Variants in GLT8D2 observed in about 807,000 individuals in gnomAD.
GLT8D2 encodes the protein glycosyltransferase 8 domain-containing protein 2.
A neutral mutation model predicts 44.5 loss-of-function variants in GLT8D2; 45 were observed. That is an observed-to-expected ratio of 1.01 (90% CI 0.80 to 1.30). The LOEUF is 1.30. Ranked by LOEUF, GLT8D2 falls within the 50% of genes most tolerant of loss-of-function variation. GLT8D2 has a pLI of 0.00. For synonymous variants in GLT8D2, 156 were observed against 157.2 expected, an observed-to-expected ratio of 0.99 and a Z score of 0.06; for missense variants, 400 against 430.4, an observed-to-expected ratio of 0.93 and a Z score of 0.62.
At chr12:104,026,453 A>G (rs1160118064) in intron 1 of GLT8D2, among the ~76,000 whole-genome samples, 2 of 152,090 alleles carry the variant, frequency 1.3e-5, no homozygotes, top group African/African-American at 4.8e-5. Flanking sequence ...CAAGAAGGCT[A>G]AGACACCCTC....
chr12:104,029,685 T>A (rs1041320107), intron 1 of GLT8D2: 1 of 152,230 alleles, frequency 6.6e-6, no homozygotes, highest in Non-Finnish European at 1.5e-5. Flanking sequence ...TTACATGCAT[T>A]AAGTACTTAC....
At chr12:103,990,078 A>AAT (rs57178471) in intron 10 of GLT8D2, among the ~76,000 whole-genome samples, 32 of 122,220 alleles carry the variant, frequency 2.6e-4, no homozygotes, top group Non-Finnish European at 3.9e-4. Flanking sequence ...TATGTGTACA[A>AAT]ATATATATAT....
rs776482107 is a variant in GLT8D2, at chr12:104,022,072, AAG to A, written c.-163-583_-163-582del. On this transcript the variant is annotated intron_variant, in intron 1 of 10. Coordinates refer to ENST00000360814, the MANE Select transcript of GLT8D2 (RefSeq NM_001384711.1). ...GAAGAAGAAGGGAAAGAAAGAAAGA[AAG>A]AAAAAAAAAGAAAGAAAGAAAGAAG... is the stretch of plus-strand genomic sequence containing the variant. Among the ~76,000 whole-genome samples the A allele has an allele frequency of 3.1e-3, 432 of 140,228 alleles. 33 individuals carry two copies. Among genetic ancestry groups the A allele is most frequent in the Non-Finnish European group, 5.2e-3 (336 of 65,052 alleles). 92.0% of individuals were successfully genotyped at this position (140,228 alleles called of 152,430 possible). A position where few individuals can be genotyped will look rare whatever the true frequency, so the allele number is the denominator to read the frequency against.
intron 1 of GLT8D2, among the ~76,000 whole-genome samples, chr12:104,057,834 C>A (rs2052377980): frequency 1.3e-5 from 2 of 151,960 alleles, no homozygotes; most frequent in South Asian, 4.2e-4. Context: ...TTTTTTCCCC[C>A]CTTGCTAGGT....
chr12:104,038,981 A>T (rs1380469771), intron 1 of GLT8D2, among the ~76,000 whole-genome samples: 1 of 152,216 alleles, frequency 6.6e-6, no homozygotes, highest in Non-Finnish European at 1.5e-5. Context: ...AGGCCTCAGA[A>T]ATATCACCAC....
intron 6 of GLT8D2, among the ~76,000 whole-genome samples, chr12:103,998,709 C>T (rs1873813930): frequency 6.6e-6 from 1 of 152,018 alleles, no homozygotes; most frequent in South Asian, 2.1e-4. Context: ...CGCTTGGCCA[C>T]TAAATAAAAC....
At chr12:104,063,649 C>A (rs1022880961) in intron 1 of GLT8D2, among the ~76,000 whole-genome samples, 1 of 152,122 alleles carries the variant, frequency 6.6e-6, no homozygotes, top group African/African-American at 2.4e-5. Flanking sequence ...GATATAAGGG[C>A]TTGGGGGTTC....
At chr12:104,021,915 GAAGAAGAAGAAGAAGAAGAA>G (rs1877756987) in intron 1 of GLT8D2, among the ~76,000 whole-genome samples, 1 of 18,884 alleles carries the variant, frequency 5.3e-5, no homozygotes, top group Non-Finnish European at 1.0e-4. Flanking sequence ...AGAAGAAGAA[GAAGAAGAAGAAGAAGAAGAA>G]GAAGAAGAAG....
chr12:104,049,975 C>G lies in GLT8D2; in HGVS notation c.-244G>C, dbSNP rs944275200. ...CAGAGCGTTCAAATCGTGGCTGGCCCTGGGCTGCCGCCCTCACGCTGCTTC... is the reference window on the plus strand; with the variant it reads ...CAGAGCGTTCAAATCGTGGCTGGCCGTGGGCTGCCGCCCTCACGCTGCTTC... On this transcript the variant is annotated 5_prime_UTR_variant, in exon 1 of 11. Transcript: ENST00000360814. The G allele has an allele frequency of 6.6e-6, 1 of 152,580 alleles. No homozygotes were observed. The highest frequency in any genetic ancestry group is 1.5e-5 in the Non-Finnish European group (1 of 68,302). The allele number at this position is 152,580 out of a possible 1,614,324, so 9.5% of individuals were successfully genotyped here. A position where few individuals can be genotyped will look rare whatever the true frequency, so the allele number is the denominator to read the frequency against.
chr12:103,997,430 C>G lies in GLT8D2; in HGVS notation c.487+21G>C, dbSNP rs2629797. Reference sequence around the variant, plus strand: ...ATCAGCTGCTTCTTTTCCAAGTGTTCTTGGCAGTTAGCGAGAGTACCTTGT... The same window carrying G: ...ATCAGCTGCTTCTTTTCCAAGTGTTGTTGGCAGTTAGCGAGAGTACCTTGT... On this transcript the variant is annotated intron_variant, in intron 7 of 10. Transcript: ENST00000360814. The G allele has an allele frequency of 2.0e-4, 302 of 1,546,358 alleles. 3 individuals are homozygous for G. Among genetic ancestry groups the G allele is most frequent in the Admixed American group, 3.8e-4 (23 of 59,778 alleles).
chr12:104,050,539 A>T (rs1168426705), upstream of GLT8D2, among the ~76,000 whole-genome samples: 1 of 152,162 alleles, frequency 6.6e-6, no homozygotes, highest in East Asian at 1.9e-4. Flanking sequence ...AAGTTTCAGG[A>T]TGGAGTGTTT....
intron 9 of GLT8D2, 183 bp downstream of exon 9, chr12:103,994,151 AT>A: frequency 2.1e-6 from 1 of 468,734 alleles, no homozygotes; most frequent in Non-Finnish European, 3.7e-6. Flanking sequence ...GATTCCTCTG[AT>A]TTATATCTTT....
chr12:103,990,197 T>TA (rs1566187587), intron 10 of GLT8D2, among the ~76,000 whole-genome samples: 3 of 150,238 alleles, frequency 2.0e-5, no homozygotes, highest in African/African-American at 7.3e-5. Flanking sequence ...TCAATTTTGA[T>TA]AGAGATTGCC....
In GLT8D2 at chr12:104,011,406, G is replaced by A. The variant is rs188888415; in HGVS notation, c.112+3607C>T. 1.1e-3 allele frequency among the ~76,000 whole-genome samples: 160 copies of A among 152,300 alleles called. 1 individual carries two copies. The Middle Eastern group carries it at 0.017, about 16-fold the overall frequency. ...CCATAAGCAGCTCTGATCAAGCCAC[G>A]CCTATTCCTAGAAGAAAGGAAATGT... On this transcript the variant is annotated intron_variant, in intron 4 of 10. Transcript: ENST00000360814.
chr12:104,032,183 CACATGTGGTCATCA>C (rs2136435124), intron 1 of GLT8D2, among the ~76,000 whole-genome samples: 1 of 150,206 alleles, frequency 6.7e-6, no homozygotes, highest in Admixed American at 6.6e-5. Flanking sequence ...GAAATAGTCC[CACATGTGGTCATCA>C]GAAAATAAGC....
chr12:104,000,633 T>C (rs58736839), intron 5 of GLT8D2, among the ~76,000 whole-genome samples: 8,533 of 152,162 alleles, frequency 0.056, 321 homozygotes, highest in Non-Finnish European at 0.081. Context: ...AGTCATGAGG[T>C]TCATGCCTTT....
intron 1 of GLT8D2, among the ~76,000 whole-genome samples, chr12:104,042,742 A>G (rs1173061501): frequency 3.3e-5 from 5 of 152,170 alleles, no homozygotes; most frequent in Non-Finnish European, 7.3e-5. Context: ...CATAAAATAC[A>G]CTAACATGAA....
At chr12:104,050,656 C>T (rs1426135120), upstream of GLT8D2, among the ~76,000 whole-genome samples, 3 of 152,076 alleles carry the variant, frequency 2.0e-5, no homozygotes, top group Non-Finnish European at 2.9e-5. Context: ...GTTCTCAAAC[C>T]CGGGAGATGG....
chr12:104,043,580 C>T (rs1174579562), intron 1 of GLT8D2, among the ~76,000 whole-genome samples: 1 of 152,182 alleles, frequency 6.6e-6, no homozygotes, highest in Non-Finnish European at 1.5e-5. Context: ...AATTCTCCTG[C>T]CTCAGCCTCC....
Sources: allele counts gnomAD v4.1 joint callset (sites outside exome capture counted in the v4.1 genomes callset), GRCh38; gene constraint gnomAD v4.1.1; transcripts MANE v1.5; gene names NCBI Gene and HGNC (gene_info 2026-07-23, HGNC 2026-07-21).